RASGRF2: variants seen among roughly 807,000 people sequenced by gnomAD.
RASGRF2 encodes Ras protein specific guanine nucleotide releasing factor 2.
In RASGRF2, 76 loss-of-function variants were observed where a neutral mutation model predicts 151.0. The ratio of observed to expected loss-of-function variants is 0.50; its 90% CI spans 0.42 to 0.61. The LOEUF is 0.61. Among genes scored for constraint, RASGRF2 ranks in the 20% least tolerant of loss-of-function variants. The pLI is 0.00. For missense variants in RASGRF2, 1,148 were observed against 1,564.6 expected, an observed-to-expected ratio of 0.73 and a Z score of 4.49; for synonymous variants, 504 against 566.5, an observed-to-expected ratio of 0.89 and a Z score of 1.57.
intron 1 of RASGRF2, among the ~76,000 whole-genome samples, chr5:80,991,891 T>C (rs954640805): frequency 5.9e-5 from 9 of 152,150 alleles, no homozygotes; most frequent in African/African-American, 2.2e-4. Context: ...CAAAAGGCCC[T>C]TAGGTAAGAA....
chr5:81,190,178 A>G (rs1049706329), intron 18 of RASGRF2, among the ~76,000 whole-genome samples: 4 of 152,190 alleles, frequency 2.6e-5, no homozygotes, highest in Non-Finnish European at 5.9e-5. Context: ...GCCCAAATGA[A>G]ATAGAGAATG....
intron 23 of RASGRF2, among the ~76,000 whole-genome samples, chr5:81,215,177 A>T (rs1323966193): frequency 1.3e-5 from 2 of 152,146 alleles, no homozygotes; most frequent in African/African-American, 4.8e-5. Flanking sequence ...TGTCTCTACT[A>T]AAAGTACAAA....
chr5:81,206,067 T>A (rs1296925683), intron 19 of RASGRF2, among the ~76,000 whole-genome samples: 1 of 152,226 alleles, frequency 6.6e-6, no homozygotes, highest in Non-Finnish European at 1.5e-5. Flanking sequence ...CTGGCTCCAA[T>A]GGCAAATTAT....
At chr5:80,999,299 C>T (rs535777284) in intron 1 of RASGRF2, among the ~76,000 whole-genome samples, 46 of 152,154 alleles carry the variant, frequency 3.0e-4, no homozygotes, top group South Asian at 1.2e-3. Context: ...CTACATCTCA[C>T]CCCCAGAGCC....
intron 12 of RASGRF2, among the ~76,000 whole-genome samples, chr5:81,108,451 G>A (rs570298577): frequency 3.5e-4 from 54 of 152,292 alleles, no homozygotes; most frequent in Non-Finnish European, 6.8e-4. Context: ...TATCAGTAGG[G>A]GCTGCCAGAG....
chr5:81,227,792 C>T lies in RASGRF2; in HGVS notation c.*2022C>T. ...GGGCCAAACAACACGTGGAAAGGTG[C>T]ATGCATTCTACTCTGCCTTGGAGTT... On this transcript the variant is annotated 3_prime_UTR_variant, in exon 27 of 27. Transcript: ENST00000265080. 6.6e-6 allele frequency: 1 copy of T among 152,230 alleles called. No homozygotes were observed. The highest frequency in any genetic ancestry group is 1.9e-4 in the East Asian group (1 of 5,182). The allele number at this position is 152,230 out of a possible 1,614,324, so 9.4% of individuals were successfully genotyped here. A position where few individuals can be genotyped will look rare whatever the true frequency, so the allele number is the denominator to read the frequency against.
At chr5:81,003,445 G>T (rs372398752) in intron 1 of RASGRF2, among the ~76,000 whole-genome samples, 1 of 152,018 alleles carries the variant, frequency 6.6e-6, no homozygotes, top group Non-Finnish European at 1.5e-5. Context: ...GGATGGTCTC[G>T]ATCTACTGAC....
rs199615105 is a variant in RASGRF2, at chr5:81,094,352, C to T, written c.1608C>T (p.Ser536=). The change falls in exon 11 of 27, where the codon AGC becomes AGT. Residue 536 remains serine (S), a synonymous_variant. Coordinates refer to ENST00000265080, the MANE Select transcript of RASGRF2 (RefSeq NM_006909.3). ...CATTGATTGAGGAGCCAGATGCAAG[C>T]GATGATGACTGTAAGTCACCTTCGA... The part of the protein sequence containing the change: ...DCTLIEEPDA[S]DDDSKGSGQV... 76 of 1,612,342 alleles carry T rather than the reference C, an allele frequency of 4.7e-5. No individual in the cohort carries two copies. The Admixed American group carries it at 8.7e-4, about 18-fold the overall frequency.
At chr5:81,132,532 A>T (rs977105246) in intron 17 of RASGRF2, among the ~76,000 whole-genome samples, 2 of 152,164 alleles carry the variant, frequency 1.3e-5, no homozygotes, top group Admixed American at 6.5e-5. Context: ...CACCTGGTAG[A>T]CTTGTAAATA....
intron 24 of RASGRF2, 86 bp from the exon 25 acceptor site, chr5:81,217,270 T>C: frequency 6.7e-7 from 1 of 1,495,604 alleles, no homozygotes; most frequent in Non-Finnish European, 8.9e-7. Flanking sequence ...CAAAGGAGGA[T>C]ACTTTAATCC....
chr5:81,200,536 G>A (rs1033907127), intron 18 of RASGRF2, among the ~76,000 whole-genome samples: 3 of 152,168 alleles, frequency 2.0e-5, no homozygotes, highest in Non-Finnish European at 4.4e-5. Flanking sequence ...CTATATTGAT[G>A]TAGATATAGA....
chr5:81,120,356 C>T (rs938255564), intron 15 of RASGRF2, among the ~76,000 whole-genome samples: 24 of 152,144 alleles, frequency 1.6e-4, no homozygotes, highest in African/African-American at 4.8e-4. Flanking sequence ...GTGGAAGGAT[C>T]GCTGGAGCCT....
chr5:81,091,823 T>C (rs188321280), intron 9 of RASGRF2, among the ~76,000 whole-genome samples: 4 of 152,282 alleles, frequency 2.6e-5, no homozygotes, highest in African/African-American at 9.6e-5. Context: ...TGATGACTGT[T>C]GTTAATGTTC....
At chr5:81,097,914 A>G (rs1396704159) in intron 12 of RASGRF2, among the ~76,000 whole-genome samples, 1 of 152,238 alleles carries the variant, frequency 6.6e-6, no homozygotes, top group South Asian at 2.1e-4. Context: ...AAGGAATGCC[A>G]TGAACTGTCT....
chr5:80,996,004 T>A (rs993087609), intron 1 of RASGRF2, among the ~76,000 whole-genome samples: 1 of 152,222 alleles, frequency 6.6e-6, no homozygotes, highest in Middle Eastern at 3.4e-3. Context: ...CAAACCATTG[T>A]TTCTTGACAG....
chr5:81,108,840 G>C (rs1422772537), intron 12 of RASGRF2, among the ~76,000 whole-genome samples, 156 bp from the exon 13 acceptor site: 1 of 67,288 alleles, frequency 1.5e-5, no homozygotes, highest in Non-Finnish European at 3.0e-5. Context: ...TACTCTGTGT[G>C]TGTGTGTGTG....
chr5:80,990,192 A>T (rs1390804841), intron 1 of RASGRF2, among the ~76,000 whole-genome samples: 1 of 148,270 alleles, frequency 6.7e-6, no homozygotes, highest in Non-Finnish European at 1.5e-5. Context: ...TAAAGGAAAG[A>T]CCTCTTACTA....
chr5:81,029,010 C>G (rs904836617), intron 1 of RASGRF2, among the ~76,000 whole-genome samples: 1 of 152,226 alleles, frequency 6.6e-6, no homozygotes, highest in Non-Finnish European at 1.5e-5. Context: ...TATCCCACGC[C>G]TGGCTCGGAG....
intron 15 of RASGRF2, among the ~76,000 whole-genome samples, chr5:81,118,540 TAATG>T (rs971769192): frequency 1.3e-5 from 2 of 152,222 alleles, no homozygotes; most frequent in African/African-American, 4.8e-5. Flanking sequence ...CCCATTGTCT[TAATG>T]AATAACACCT....
Sources: allele counts gnomAD v4.1 joint callset (sites outside exome capture counted in the v4.1 genomes callset), GRCh38; gene constraint gnomAD v4.1.1; transcripts MANE v1.5; gene names NCBI Gene and HGNC (gene_info 2026-07-23, HGNC 2026-07-21).